MPZL1: variants seen among roughly 807,000 people sequenced by gnomAD.
The protein encoded by MPZL1 is myelin protein zero like 1, also known as myelin protein zero-like protein 1.
A neutral mutation model predicts 29.3 loss-of-function variants in MPZL1; 16 were observed. That is an observed-to-expected ratio of 0.55 (90% CI 0.37 to 0.83). The LOEUF (loss-of-function observed/expected upper bound fraction) is 0.83, where lower values mean the gene tolerates loss of function less well. MPZL1 is among the 40% of genes least tolerant of loss of function. The pLI is 0.00. For synonymous variants in MPZL1, 143 were observed against 132.0 expected (o/e 1.08, Z -0.57); for missense variants, 279 against 332.9 (o/e 0.84, Z 1.26).
In MPZL1 at chr1:167,788,059, G is replaced by T; in HGVS notation, c.*138G>T. 1 of 654,600 alleles carries T rather than the reference G, an allele frequency of 1.5e-6. No individual in the cohort carries two copies. Among genetic ancestry groups the T allele is most frequent in the Non-Finnish European group, 2.8e-6 (1 of 359,508 alleles). 40.5% of individuals were successfully genotyped at this position (654,600 alleles called of 1,614,324 possible). ...ACGTGTACTCACAGAGGGAGAGAAA[G>T]ATGTGTACAAAGGATATGTATAAAT... On this transcript the variant is annotated 3_prime_UTR_variant, in exon 6 of 6. Transcript: ENST00000359523.
intron 5 of MPZL1, among the ~76,000 whole-genome samples, chr1:167,786,211 C>T (rs1454175603): frequency 6.6e-6 from 1 of 152,098 alleles, no homozygotes; most frequent in African/African-American, 2.4e-5. Context: ...GTTAATATTT[C>T]CTATGACAGC....
At chr1:167,765,897 G>C in intron 2 of MPZL1, 148 bp downstream of exon 2, 1 of 655,012 alleles carries the variant, frequency 1.5e-6, no homozygotes, top group Non-Finnish European at 2.3e-6. Flanking sequence ...TTTTGCTTCA[G>C]GATAAAATAA....
At chr1:167,779,231 T>C (rs1384125657) in intron 5 of MPZL1, among the ~76,000 whole-genome samples, 2 of 151,618 alleles carry the variant, frequency 1.3e-5, no homozygotes, top group East Asian at 3.9e-4. Flanking sequence ...GAAAAAAATA[T>C]GTAAAGAAAT....
intron 1 of MPZL1, among the ~76,000 whole-genome samples, chr1:167,752,807 A>G (rs1001751109): frequency 1.3e-5 from 2 of 151,910 alleles, no homozygotes; most frequent in Non-Finnish European, 2.9e-5. Context: ...TTATTTTAGG[A>G]AAAAAAATAG....
intron 5 of MPZL1, among the ~76,000 whole-genome samples, 160 bp downstream of exon 5, chr1:167,776,326 G>T (rs1661368122): frequency 6.6e-6 from 1 of 152,112 alleles, no homozygotes; most frequent in Non-Finnish European, 1.5e-5. Context: ...TAAAGGGCTG[G>T]CCTAGGAAGA....
intron 5 of MPZL1, among the ~76,000 whole-genome samples, chr1:167,781,277 CT>C (rs1450060918): frequency 6.6e-6 from 1 of 152,132 alleles, no homozygotes; most frequent in Non-Finnish European, 1.5e-5. Context: ...TAAAACACTC[CT>C]TCCATCAAGC....
chr1:167,731,856 A>G (rs1302653744), intron 1 of MPZL1, among the ~76,000 whole-genome samples: 2 of 152,210 alleles, frequency 1.3e-5, no homozygotes, highest in Non-Finnish European at 2.9e-5. Flanking sequence ...CCATCTCTAC[A>G]AAGTAAAAAT....
chr1:167,783,058 G>A (rs1476736341), intron 5 of MPZL1, among the ~76,000 whole-genome samples: 3 of 152,148 alleles, frequency 2.0e-5, no homozygotes, highest in Admixed American at 6.5e-5. Context: ...TGCGAATCTG[G>A]TGGGGTAGGA....
At chr1:167,768,471 C>A (rs1251540021) in intron 2 of MPZL1, among the ~76,000 whole-genome samples, 1 of 151,794 alleles carries the variant, frequency 6.6e-6, no homozygotes, top group Non-Finnish European at 1.5e-5. Context: ...CTTAATATGA[C>A]AGTTTTCCTC....
At chr1:167,772,587 G>T (rs1356599129) in intron 3 of MPZL1, 99 bp downstream of exon 3, 1 of 1,131,594 alleles carries the variant, frequency 8.8e-7, no homozygotes, top group East Asian at 2.5e-5. Context: ...TTGGAGGGAG[G>T]ATTTTTGCCA....
intron 1 of MPZL1, among the ~76,000 whole-genome samples, chr1:167,742,973 A>G (rs1660566960): frequency 6.6e-6 from 1 of 151,864 alleles, no homozygotes; most frequent in Non-Finnish European, 1.5e-5. Flanking sequence ...TGGGTTCTCT[A>G]TTTTGTTCCT....
chr1:167,730,983 A>G (rs542390872), intron 1 of MPZL1, among the ~76,000 whole-genome samples: 3 of 152,280 alleles, frequency 2.0e-5, no homozygotes, highest in Admixed American at 6.5e-5. Context: ...ATTTTCAGCT[A>G]TTAGGAATTT....
rs566611668 is a variant in MPZL1, at chr1:167,738,070, C to T, written c.91+15828C>T. 1.9e-3 allele frequency among the ~76,000 whole-genome samples: 287 copies of T among 152,220 alleles called. 1 individual carries two copies. Among genetic ancestry groups the T allele is most frequent in the Non-Finnish European group, 3.4e-3 (229 of 68,008 alleles). Reference sequence around the variant, plus strand: ...CCTCTTGAGTTGCTGGGACTACAGGCGCCTGCCACTGTGCCCGGCTAATTT... The same window carrying T: ...CCTCTTGAGTTGCTGGGACTACAGGTGCCTGCCACTGTGCCCGGCTAATTT... On this transcript the variant is annotated intron_variant, in intron 1 of 5. Coordinates refer to ENST00000359523, the MANE Select transcript of MPZL1 (RefSeq NM_003953.6).
intron 1 of MPZL1, among the ~76,000 whole-genome samples, chr1:167,758,871 C>T (rs1305867128): frequency 6.6e-6 from 1 of 152,136 alleles, no homozygotes; most frequent in Non-Finnish European, 1.5e-5. Flanking sequence ...TTCGGTACTC[C>T]TTATAGAACC....
At chr1:167,745,711 A>G (rs967803619) in intron 1 of MPZL1, among the ~76,000 whole-genome samples, 2 of 152,102 alleles carry the variant, frequency 1.3e-5, no homozygotes, top group Non-Finnish European at 2.9e-5. Context: ...CCTGGGTTTT[A>G]AATTCTGAGC....
intron 1 of MPZL1, among the ~76,000 whole-genome samples, chr1:167,740,048 C>G (rs58387627): frequency 0.017 from 2,600 of 152,306 alleles, 70 homozygotes; most frequent in African/African-American, 0.06. Context: ...CCTACTTCCC[C>G]AGCCCTTCTG....
At chr1:167,741,542 C>A (rs1357899035) in intron 1 of MPZL1, among the ~76,000 whole-genome samples, 1 of 151,678 alleles carries the variant, frequency 6.6e-6, no homozygotes, top group Non-Finnish European at 1.5e-5. Flanking sequence ...CCAGGCTAGT[C>A]TTGAATTCCT....
chr1:167,725,270 C>T (rs1660116863), intron 1 of MPZL1, among the ~76,000 whole-genome samples: 1 of 152,068 alleles, frequency 6.6e-6, no homozygotes, highest in African/African-American at 2.4e-5. Flanking sequence ...ACTGTGATAG[C>T]CTCCCAGCTG....
intron 1 of MPZL1, among the ~76,000 whole-genome samples, chr1:167,748,732 A>G (rs1660700039): frequency 6.6e-6 from 1 of 152,070 alleles, no homozygotes; most frequent in Non-Finnish European, 1.5e-5. Flanking sequence ...TTTTTTTCTA[A>G]GGGTTTTATA....
Sources: gnomAD v4.1 joint callset for allele counts (sites outside exome capture counted in the v4.1 genomes callset) on GRCh38, gnomAD v4.1.1 for gene constraint, MANE v1.5 for transcripts, NCBI Gene and HGNC (gene_info 2026-07-23, HGNC 2026-07-21) for gene names.